Variants in SYN3 observed in about 807,000 individuals in gnomAD.
The protein encoded by SYN3 is synapsin-3.
Under a neutral mutation model 65.8 loss-of-function variants are expected in SYN3, and 35 were observed. The observed-to-expected ratio is 0.53, with a 90% CI of 0.41 to 0.70. SYN3 has a LOEUF of 0.70. Among genes scored for constraint, SYN3 ranks in the 30% least tolerant of loss-of-function variants. The probability of loss-of-function intolerance (pLI) is 0.00; values close to 1 mark genes in which losing one functional copy is unlikely to be tolerated. For missense variants in SYN3, 680 were observed against 749.0 expected (o/e 0.91, Z 1.08); for synonymous variants, 270 against 292.9 (o/e 0.92, Z 0.80).
chr22:32,835,182 A>G (rs968728208), intron 6 of SYN3, among the ~76,000 whole-genome samples: 1 of 152,204 alleles, frequency 6.6e-6, no homozygotes, highest in Non-Finnish European at 1.5e-5. Context: ...ACAGTAGAGA[A>G]AGGTAGGGTG....
chr22:32,687,062 A>G (rs1233831205), intron 6 of SYN3, among the ~76,000 whole-genome samples: 1 of 152,136 alleles, frequency 6.6e-6, no homozygotes, highest in Admixed American at 6.6e-5. Context: ...CCATCTCAGA[A>G]AACTGGTGCC....
At chr22:32,610,283 T>G (rs1247368365) in intron 6 of SYN3, among the ~76,000 whole-genome samples, 1 of 150,016 alleles carries the variant, frequency 6.7e-6, no homozygotes, top group African/African-American at 2.5e-5. Context: ...TCTGTCCCCC[T>G]GCCCCCCCCA....
chr22:32,606,998 G>A (rs1414307151), intron 6 of SYN3, among the ~76,000 whole-genome samples: 2 of 151,446 alleles, frequency 1.3e-5, no homozygotes, highest in Admixed American at 6.6e-5. Flanking sequence ...TCCTAATGCT[G>A]TCCCTCCCCG....
intron 3 of SYN3, among the ~76,000 whole-genome samples, chr22:32,951,932 G>T (rs951804473): frequency 6.6e-6 from 1 of 152,174 alleles, no homozygotes; most frequent in African/African-American, 2.4e-5. Flanking sequence ...CTGCTCCACC[G>T]ATGGCAGACA....
rs567818393 is a variant in SYN3 at position 33,025,252 on chromosome 22, G to A, written c.-162-18428C>T. Among the ~76,000 whole-genome samples, 6 of 151,776 alleles carry A rather than the reference G, an allele frequency of 4.0e-5. No individual in the cohort carries two copies. In the South Asian group the frequency reaches 1.0e-3, roughly 26 times the overall value. On this transcript the variant is annotated intron_variant, in intron 1 of 13. Coordinates refer to ENST00000358763, the MANE Select transcript of SYN3 (RefSeq NM_003490.4). ...CGGGTGGTCATGAGGTCAGGAGTTC[G>A]AGACCAGCCTGGCCAATATGGTAAA...
In SYN3 at chr22:32,671,041, C is replaced by G. The variant is rs368760354; in HGVS notation, c.712-74305G>C. Among the ~76,000 whole-genome samples, 670 of 152,326 alleles carry G rather than the reference C, an allele frequency of 4.4e-3. 3 individuals carry two copies. Among genetic ancestry groups the G allele is most frequent in the African/African-American group, 0.015 (612 of 41,560 alleles). ...GGATTCTAGCCCTGGCACCATAAGG[C>G]TATTTGGCACATCTCTTTCTTCAGT... On this transcript the variant is annotated intron_variant, in intron 6 of 13. Transcript: ENST00000358763.
chr22:32,585,585 G>A (rs977227709), intron 7 of SYN3, among the ~76,000 whole-genome samples: 1 of 152,136 alleles, frequency 6.6e-6, no homozygotes, highest in Non-Finnish European at 1.5e-5. Context: ...ACCAGGCCAG[G>A]GCTCTTTCCA....
At chr22:32,598,068 A>G (rs191369074) in intron 6 of SYN3, among the ~76,000 whole-genome samples, 17 of 152,316 alleles carry the variant, frequency 1.1e-4, no homozygotes, top group African/African-American at 4.1e-4. Flanking sequence ...ATGTACTAAT[A>G]ACATAACTTC....
At chr22:32,828,550 T>C (rs1354583916) in intron 6 of SYN3, among the ~76,000 whole-genome samples, 1 of 152,206 alleles carries the variant, frequency 6.6e-6, no homozygotes, top group East Asian at 1.9e-4. Context: ...AGGCAGGGCA[T>C]ACCCATGCAT....
At chr22:32,608,589 G>A (rs145010256) in intron 6 of SYN3, among the ~76,000 whole-genome samples, 74 of 152,324 alleles carry the variant, frequency 4.9e-4, no homozygotes, top group African/African-American at 1.7e-3. Flanking sequence ...GTAGGCAAAG[G>A]CATTTCATCT....
In SYN3 at chr22:32,781,040, T is replaced by C. The variant is rs61175629; in HGVS notation, c.711+83875A>G. ...CTTTCTCTCTCTCTTTTTTCTTTCT[T>C]TCCCCTCCCTCCCTCCCTCCCTTCC... On this transcript the variant is annotated intron_variant, in intron 6 of 13. Coordinates refer to ENST00000358763, the MANE Select transcript of SYN3 (RefSeq NM_003490.4). 4.2e-4 allele frequency among the ~76,000 whole-genome samples: 60 copies of C among 142,420 alleles called. 3 individuals carry two copies. The highest frequency in any genetic ancestry group is 3.5e-3 in the Admixed American group (48 of 13,900). 93.4% of individuals were successfully genotyped at this position (142,420 alleles called of 152,430 possible).
chr22:32,901,453 C>T (rs1337672176), intron 4 of SYN3, among the ~76,000 whole-genome samples: 1 of 152,182 alleles, frequency 6.6e-6, no homozygotes, highest in Non-Finnish European at 1.5e-5. Flanking sequence ...AATCTTGTCC[C>T]TCCTTTCAGG....
chr22:32,956,418 G>A (rs961739193), intron 3 of SYN3, among the ~76,000 whole-genome samples: 5 of 152,082 alleles, frequency 3.3e-5, no homozygotes, highest in African/African-American at 9.7e-5. Flanking sequence ...GCCTCCCAAA[G>A]TGCTGGGATT....
At chr22:32,546,273 C>T (rs959849245) in intron 7 of SYN3, among the ~76,000 whole-genome samples, 5 of 152,154 alleles carry the variant, frequency 3.3e-5, no homozygotes, top group African/African-American at 9.7e-5. Flanking sequence ...ACATGCTCTA[C>T]ACAAGTTTGC....
chr22:32,987,639 A>G (rs1431924937), intron 2 of SYN3, among the ~76,000 whole-genome samples: 3 of 152,350 alleles, frequency 2.0e-5, no homozygotes, highest in East Asian at 3.9e-4. Context: ...AAACTGAGAC[A>G]TAACAGGGCC....
chr22:32,740,397 A>G (rs141244867), intron 6 of SYN3, among the ~76,000 whole-genome samples: 4 of 152,310 alleles, frequency 2.6e-5, no homozygotes, highest in Non-Finnish European at 5.9e-5. Context: ...TGGAACCCTG[A>G]AACCCTTTGA....
intron 4 of SYN3, among the ~76,000 whole-genome samples, chr22:32,903,138 A>C (rs2049807684): frequency 6.6e-6 from 1 of 152,190 alleles, no homozygotes; most frequent in Non-Finnish European, 1.5e-5. Context: ...TATAGAGTCC[A>C]TGCTCTGACT....
chr22:32,914,582 C>T lies in SYN3; in HGVS notation c.461+16808G>A, dbSNP rs923720987. ...CCTCCCGAGTAGCTGGGACTACAGG[C>T]GCCCGCCACCATGCCCGGCTAATTT... is the stretch of plus-strand genomic sequence containing the variant. On this transcript the variant is annotated intron_variant, in intron 4 of 13. Coordinates refer to ENST00000358763, the MANE Select transcript of SYN3 (RefSeq NM_003490.4). Among the ~76,000 whole-genome samples the T allele has an allele frequency of 3.3e-5, 5 of 151,814 alleles. No individual in the cohort carries two copies. In the South Asian group the frequency reaches 8.3e-4, roughly 25 times the overall value.
chr22:33,027,899 T>C (rs1227112078), intron 1 of SYN3, among the ~76,000 whole-genome samples: 1 of 152,224 alleles, frequency 6.6e-6, no homozygotes, highest in Non-Finnish European at 1.5e-5. Context: ...TGAGTTTTAT[T>C]GAACGTTGGT....
Sources: allele counts gnomAD v4.1 joint callset (sites outside exome capture counted in the v4.1 genomes callset), GRCh38; gene constraint gnomAD v4.1.1; transcripts MANE v1.5; gene names NCBI Gene and HGNC (gene_info 2026-07-23, HGNC 2026-07-21).